Variants in POLD3 observed in about 807,000 individuals in gnomAD.
The protein encoded by POLD3 is DNA polymerase delta 3, accessory subunit.
Under a neutral mutation model 58.2 loss-of-function variants are expected in POLD3, and 19 were observed. The observed-to-expected ratio is 0.33, with a 90% CI of 0.23 to 0.48. POLD3 has a LOEUF of 0.48. Ranked by LOEUF, POLD3 falls within the 20% of genes least tolerant of loss-of-function variation. The pLI is 0.99. For missense variants in POLD3, 504 were observed against 545.5 expected, an observed-to-expected ratio of 0.92 and a Z score of 0.76; for synonymous variants, 172 against 193.5, an observed-to-expected ratio of 0.89 and a Z score of 0.92.
At chr11:74,625,386 G>T (rs372793176) in intron 7 of POLD3, 22 bp from the exon 8 acceptor site, 1 of 1,574,336 alleles carries the variant, frequency 6.4e-7, no homozygotes, top group Admixed American at 1.8e-5. Context: ...GTCATATGTC[G>T]TCTGCTATAC....
Position 74,641,456 on chromosome 11 carries a change from C to T in POLD3, c.*690C>T. The T allele has an allele frequency of 1.0e-6, 1 of 985,402 alleles. No individual in the cohort carries two copies. The allele number at this position is 985,402 out of a possible 1,614,324, so 61.0% of individuals were successfully genotyped here. On this transcript the variant is annotated 3_prime_UTR_variant, in exon 12 of 12. Transcript: ENST00000263681. ...GGTTAGGGAAAAGCCTCAGGCAGAA[C>T]ACAAATAGAAATTTAATGATGTGTT...
chr11:74,652,005 G>T (rs538814880), intron 4 of POLD3, among the ~76,000 whole-genome samples: 1 of 152,300 alleles, frequency 6.6e-6, no homozygotes, highest in South Asian at 2.1e-4. Flanking sequence ...CCCCAGGGAT[G>T]ATAGGTAACT....
At chr11:74,662,800 G>A (rs1290301391) in intron 4 of POLD3, among the ~76,000 whole-genome samples, 1 of 152,132 alleles carries the variant, frequency 6.6e-6, no homozygotes, top group African/African-American at 2.4e-5. Flanking sequence ...AGTTTACTTA[G>A]GACCCCAGAA....
rs1565130929 is a variant in POLD3, at chr11:74,642,773, A to G, written c.*2007A>G. 1 of 984,942 alleles carries G rather than the reference A, an allele frequency of 1.0e-6. No homozygotes were observed. Among genetic ancestry groups the G allele is most frequent in the Admixed American group, 6.2e-5 (1 of 16,252 alleles). 61.0% of individuals were successfully genotyped at this position (984,942 alleles called of 1,614,324 possible). A position where few individuals can be genotyped will look rare whatever the true frequency, so the allele number is the denominator to read the frequency against. ...ATGAGTCTCTTATTTGATGGATGGT[A>G]ACAGTGTTGCAATTATTTAAGCTCT... On this transcript the variant is annotated 3_prime_UTR_variant, in exon 12 of 12. Coordinates refer to ENST00000263681, the MANE Select transcript of POLD3 (RefSeq NM_006591.3).
In POLD3 at chr11:74,616,625, G is replaced by A. The variant is rs190569925; in HGVS notation, c.393-1912G>A. On this transcript the variant is annotated intron_variant, in intron 5 of 11. Coordinates refer to ENST00000263681, the MANE Select transcript of POLD3 (RefSeq NM_006591.3). The stretch of plus-strand genomic sequence containing the variant: ...CAGTGGGTGAAAGCAAATGATTTCC[G>A]TCTGTTCTTAACTCTGATGCATAAA... 4.3e-4 allele frequency among the ~76,000 whole-genome samples: 66 copies of A among 152,322 alleles called. No homozygotes were observed. In the East Asian group the frequency reaches 8.9e-3, roughly 20 times the overall value.
At chr11:74,621,770 T>A (rs944513948) in intron 7 of POLD3, among the ~76,000 whole-genome samples, 2 of 152,128 alleles carry the variant, frequency 1.3e-5, no homozygotes, top group Non-Finnish European at 2.9e-5. Context: ...TAATCCCAGC[T>A]ACTCGGGAGA....
chr11:74,634,971 G>A (rs2032705746), intron 10 of POLD3, among the ~76,000 whole-genome samples: 1 of 152,174 alleles, frequency 6.6e-6, no homozygotes, highest in Admixed American at 6.5e-5. Flanking sequence ...CTGCTGTGCT[G>A]TACAGCTCCT....
At chr11:74,652,535 A>G (rs1232018310) in intron 4 of POLD3, 1 of 152,240 alleles carries the variant, frequency 6.6e-6, no homozygotes, top group Non-Finnish European at 1.5e-5. Context: ...GGGAAACTCA[A>G]CCAGGCTTTG....
At chr11:74,662,276 C>T (rs1347161493) in intron 4 of POLD3, among the ~76,000 whole-genome samples, 1 of 152,158 alleles carries the variant, frequency 6.6e-6, no homozygotes, top group African/African-American at 2.4e-5. Context: ...GCCATCACAG[C>T]TGGGAATGTG....
At chr11:74,633,276 T>G (rs1035347581) in intron 9 of POLD3, among the ~76,000 whole-genome samples, 1 of 152,194 alleles carries the variant, frequency 6.6e-6, no homozygotes, top group African/African-American at 2.4e-5. Context: ...ACTTTTCTCT[T>G]GCCTGAGCTC....
chr11:74,645,640 G>A (rs544601300), downstream of POLD3, among the ~76,000 whole-genome samples: 10 of 152,290 alleles, frequency 6.6e-5, no homozygotes, highest in South Asian at 6.2e-4. Context: ...GCTTTAGGGC[G>A]TTAATGAAAT....
intron 4 of POLD3, among the ~76,000 whole-genome samples, chr11:74,654,627 G>A (rs928484848): frequency 6.6e-6 from 1 of 152,144 alleles, no homozygotes; most frequent in Non-Finnish European, 1.5e-5. Flanking sequence ...GGGAGTCTGT[G>A]GTGTTTTAAC....
chr11:74,629,146 C>A (rs41541119), intron 8 of POLD3, 71 bp from the exon 9 acceptor site: 51,024 of 873,380 alleles, frequency 0.058, 1,931 homozygotes, highest in Non-Finnish European at 0.071. Flanking sequence ...AAAGCAAAAC[C>A]CATAAGAGCA....
At chr11:74,629,148 A>G in intron 8 of POLD3, 69 bp from the exon 9 acceptor site, 2 of 896,780 alleles carry the variant, frequency 2.2e-6, no homozygotes, top group Non-Finnish European at 3.5e-6. Flanking sequence ...AGCAAAACCC[A>G]TAAGAGCATG....
intron 3 of POLD3, 126 bp from the exon 4 acceptor site, chr11:74,611,373 A>G (rs2031905476): frequency 1.7e-6 from 1 of 595,374 alleles, no homozygotes; most frequent in South Asian, 1.8e-5. Context: ...AAATTATAAC[A>G]TATGTTTTAA....
At chr11:74,644,386 T>C (rs185655647), downstream of POLD3, among the ~76,000 whole-genome samples, 6 of 152,364 alleles carry the variant, frequency 3.9e-5, no homozygotes, top group Non-Finnish European at 8.8e-5. Flanking sequence ...CGTTTTGTTG[T>C]GAGAAGGCAG....
In POLD3 at chr11:74,641,521, A is replaced by G. The variant is rs2032913345; in HGVS notation, c.*755A>G. On this transcript the variant is annotated 3_prime_UTR_variant, in exon 12 of 12. Coordinates refer to ENST00000263681, the MANE Select transcript of POLD3 (RefSeq NM_006591.3). ...ATTACCTCGAGTCAGCATTGACGAT[A>G]TTGGAGGAGCTGCCGTGCTGCTGAT... 1.0e-6 allele frequency: 1 copy of G among 985,236 alleles called. No individual in the cohort carries two copies. 61.0% of individuals were successfully genotyped at this position (985,236 alleles called of 1,614,324 possible).
At chr11:74,643,950 C>G (rs1187609357), downstream of POLD3, among the ~76,000 whole-genome samples, 1 of 152,138 alleles carries the variant, frequency 6.6e-6, no homozygotes, top group Non-Finnish European at 1.5e-5. Context: ...GCAGTGTTTC[C>G]CTTGTCTTCC....
intron 5 of POLD3, among the ~76,000 whole-genome samples, chr11:74,617,398 A>AT (rs375861302): frequency 0.013 from 1,986 of 150,226 alleles, 14 homozygotes; most frequent in Non-Finnish European, 0.021. Context: ...AGCTTCTCCC[A>AT]TTTTTTTTTG....
Sources: gnomAD v4.1 joint callset for allele counts (sites outside exome capture counted in the v4.1 genomes callset) on GRCh38, gnomAD v4.1.1 for gene constraint, MANE v1.5 for transcripts, NCBI Gene and HGNC (gene_info 2026-07-23, HGNC 2026-07-21) for gene names.